MED13: variants seen among roughly 807,000 people sequenced by gnomAD.
MED13 encodes the protein mediator of RNA polymerase II transcription subunit 13.
In MED13, 23 loss-of-function variants were observed where a neutral mutation model predicts 225.2. The observed-to-expected ratio is 0.10, with a 90% CI of 0.07 to 0.14. The LOEUF (loss-of-function observed/expected upper bound fraction) is 0.14. Ranked by LOEUF, MED13 falls within the 10% of genes least tolerant of loss-of-function variation. The pLI is 1.00. For synonymous variants in MED13, 942 were observed against 889.2 expected, an observed-to-expected ratio of 1.06 and a Z score of -1.06; for missense variants, 2,197 against 2,594.5, an observed-to-expected ratio of 0.85 and a Z score of 3.33.
intron 12 of MED13, 141 bp from the exon 13 acceptor site, chr17:61,985,231 T>C (rs16945753): frequency 0.18 from 107,480 of 606,332 alleles, 11,779 homozygotes; most frequent in East Asian, 0.47. Context: ...AAATACATAC[T>C]AGTGTTGAAA....
chr17:62,061,411 T>C (rs1280715431), intron 2 of MED13, among the ~76,000 whole-genome samples: 1 of 152,156 alleles, frequency 6.6e-6, no homozygotes, highest in African/African-American at 2.4e-5. Flanking sequence ...TAAAATTATC[T>C]TTGATTCTAC....
At chr17:62,034,522 C>CT (rs1464839796) in intron 4 of MED13, among the ~76,000 whole-genome samples, 1 of 150,176 alleles carries the variant, frequency 6.7e-6, no homozygotes, top group Non-Finnish European at 1.5e-5. Flanking sequence ...TGCCCAAACT[C>CT]TTAAGATTTT....
chr17:61,961,261 GCT>G (rs988628219), intron 22 of MED13, among the ~76,000 whole-genome samples, 171 bp from the exon 23 acceptor site: 2 of 152,050 alleles, frequency 1.3e-5, no homozygotes, highest in Non-Finnish European at 1.5e-5. Context: ...GGGCACGGTG[GCT>G]CGTGCCTGTA....
In MED13 at chr17:61,983,052, A is replaced by T. The variant is rs1054709087; in HGVS notation, c.2951T>A (p.Phe984Tyr). The change falls in exon 16 of 30, where the codon TTT (phenylalanine) becomes TAT (tyrosine). Residue 984 changes from phenylalanine to tyrosine, a missense_variant. Physicochemically the swap from Phe to Tyr is conservative, Grantham distance 22. Transcript: ENST00000397786. The part of the protein sequence containing the change: ...TAYTPQTHTS[F>Y]GMPPSSAPPS... ...AGGTGCACTGCTAGGAGGCATCCCA[A>T]AAGAAGTATGAGTTTGAGGTGTATA... is the stretch of plus-strand genomic sequence containing the variant. 6.2e-7 allele frequency: 1 copy of T among 1,613,756 alleles called. No individual in the cohort carries two copies. The highest frequency in any genetic ancestry group is 1.3e-5 in the African/African-American group (1 of 75,012).
At chr17:62,023,592 T>C (rs2080670415) in intron 8 of MED13, among the ~76,000 whole-genome samples, 1 of 152,188 alleles carries the variant, frequency 6.6e-6, no homozygotes. Context: ...TCCAATCTTC[T>C]GTTAGTGCCT....
At position 61,993,891 on chromosome 17, in the gene MED13, T is replaced by A. The variant is rs73334690; in HGVS notation, c.2181+1261A>T. Among the ~76,000 whole-genome samples the A allele has an allele frequency of 6.4e-3, 964 of 151,620 alleles. 10 individuals carry two copies. The highest frequency in any genetic ancestry group is 0.022 in the African/African-American group (910 of 41,334). The stretch of plus-strand genomic sequence containing the variant: ...GGTTGCAGTGACCTAAGATCATAAC[T>A]TTGCACTCCAGCCTGGGCAACAAGA... On this transcript the variant is annotated intron_variant, in intron 10 of 29. Transcript: ENST00000397786.
chr17:62,015,937 TATATATATATATATATA>T (rs1215076852), intron 8 of MED13, among the ~76,000 whole-genome samples: 27 of 8,892 alleles, frequency 3.0e-3, no homozygotes, highest in African/African-American at 5.4e-3. Context: ...TATATATATA[TATATATATATATATATA>T]TTTTTTTTTT....
At chr17:61,957,454 A>T (rs914970121) in intron 23 of MED13, among the ~76,000 whole-genome samples, 7 of 151,444 alleles carry the variant, frequency 4.6e-5, no homozygotes, top group African/African-American at 1.7e-4. Context: ...GGTTCAAGTG[A>T]TTCTCCTGCC....
chr17:61,990,517 T>G (rs1014690923), intron 11 of MED13, among the ~76,000 whole-genome samples: 3 of 151,434 alleles, frequency 2.0e-5, no homozygotes, highest in African/African-American at 7.3e-5. Flanking sequence ...ACACAGAATA[T>G]GAGTAAAATG....
At chr17:61,966,999 A>G (rs1567948471) in intron 18 of MED13, among the ~76,000 whole-genome samples, 1 of 152,206 alleles carries the variant, frequency 6.6e-6, no homozygotes, top group Non-Finnish European at 1.5e-5. Context: ...AAATGCAGTC[A>G]TTTTAGGTAT....
intron 9 of MED13, among the ~76,000 whole-genome samples, chr17:62,001,768 G>C (rs1223474682): frequency 2.0e-5 from 3 of 152,062 alleles, no homozygotes; most frequent in Non-Finnish European, 4.4e-5. Flanking sequence ...TTTTCCATTA[G>C]ACTACAATTT....
At chr17:61,958,163 T>C (rs2079965642) in intron 23 of MED13, among the ~76,000 whole-genome samples, 2 of 150,428 alleles carry the variant, frequency 1.3e-5, no homozygotes, top group Non-Finnish European at 3.0e-5. Flanking sequence ...CGCGCCCAGC[T>C]GGCTATTACT....
intron 9 of MED13, among the ~76,000 whole-genome samples, chr17:62,009,426 T>C (rs2080485511): frequency 6.6e-6 from 1 of 152,122 alleles, no homozygotes; most frequent in South Asian, 2.1e-4. Context: ...ATACGATGAC[T>C]AGGCAAGTCA....
chr17:62,043,802 A>G (rs1343349370), intron 3 of MED13, among the ~76,000 whole-genome samples: 2 of 152,236 alleles, frequency 1.3e-5, no homozygotes, highest in Non-Finnish European at 2.9e-5. Flanking sequence ...TGCTGACATG[A>G]TATTATTTTG....
intron 8 of MED13, among the ~76,000 whole-genome samples, chr17:62,020,629 T>C (rs2080631626): frequency 1.3e-5 from 2 of 150,434 alleles, no homozygotes; most frequent in Non-Finnish European, 3.0e-5. Context: ...TCCTCCCGCC[T>C]TGGCCTTCCA....
At chr17:62,065,024 G>C (rs1055050809) in intron 1 of MED13, 116 bp downstream of exon 1, 2 of 904,076 alleles carry the variant, frequency 2.2e-6, no homozygotes, top group African/African-American at 3.6e-5. Flanking sequence ...CGCCGGCTCC[G>C]GCTGGGCCTC....
chr17:61,964,408 C>CA (rs1335283792), intron 20 of MED13, among the ~76,000 whole-genome samples: 3 of 151,826 alleles, frequency 2.0e-5, no homozygotes, highest in African/African-American at 7.3e-5. Flanking sequence ...CACATCTCTA[C>CA]AAAAAAGTAG....
At chr17:61,979,055 C>T (rs2080181307) in intron 16 of MED13, among the ~76,000 whole-genome samples, 1 of 152,124 alleles carries the variant, frequency 6.6e-6, no homozygotes, top group South Asian at 2.1e-4. Context: ...AAGAATTAAC[C>T]AATATTCTCA....
At chr17:61,998,789 G>A (rs984155673) in intron 9 of MED13, among the ~76,000 whole-genome samples, 5 of 151,538 alleles carry the variant, frequency 3.3e-5, no homozygotes, top group Non-Finnish European at 4.4e-5. Flanking sequence ...TGTAGAGACA[G>A]GATCTCACTA....
Sources: allele counts gnomAD v4.1 joint callset (sites outside exome capture counted in the v4.1 genomes callset), GRCh38; gene constraint gnomAD v4.1.1; transcripts MANE v1.5; gene names NCBI Gene and HGNC (gene_info 2026-07-23, HGNC 2026-07-21).